Variants in PAM observed in about 807,000 individuals in gnomAD.
PAM encodes the protein peptidyl-glycine alpha-amidating monooxygenase.
Under a neutral mutation model 122.1 loss-of-function variants are expected in PAM, and 72 were observed. The ratio of observed to expected loss-of-function variants is 0.59; its 90% CI spans 0.49 to 0.72. The LOEUF (loss-of-function observed/expected upper bound fraction) is 0.72, where lower values mean the gene tolerates loss of function less well. Ranked by LOEUF, PAM falls within the 30% of genes least tolerant of loss-of-function variation. PAM has a pLI of 0.00. For missense variants in PAM, 1,106 were observed against 1,183.7 expected (o/e 0.93, Z 0.96); for synonymous variants, 389 against 404.4 (o/e 0.96, Z 0.46).
intron 4 of PAM, among the ~76,000 whole-genome samples, chr5:102,902,692 A>T (rs1175102513): frequency 1.3e-5 from 2 of 151,468 alleles, no homozygotes; most frequent in African/African-American, 4.8e-5. Context: ...AGAAAATAAT[A>T]TTTACTCGCA....
At chr5:102,990,020 A>C (rs977727896) in intron 15 of PAM, 1 of 272,652 alleles carries the variant, frequency 3.7e-6, no homozygotes, top group East Asian at 6.2e-5. Flanking sequence ...GACTTGGGTT[A>C]GCTGGCTTTA....
intron 1 of PAM, among the ~76,000 whole-genome samples, chr5:102,804,911 G>T (rs469250): frequency 1.3e-5 from 2 of 151,948 alleles, no homozygotes; most frequent in Non-Finnish European, 2.9e-5. Context: ...GTTTAAGAAA[G>T]AAGTTAGTTT....
intron 24 of PAM, among the ~76,000 whole-genome samples, chr5:103,027,708 G>A (rs1225680101): frequency 6.6e-6 from 1 of 152,146 alleles, no homozygotes; most frequent in East Asian, 1.9e-4. Flanking sequence ...CGTACTGTCA[G>A]TAGAAAGAGT....
chr5:102,901,216 T>C, intron 3 of PAM, 140 bp from the exon 4 acceptor site: 1 of 568,112 alleles, frequency 1.8e-6, no homozygotes, highest in South Asian at 2.2e-5. Context: ...GCCTTTCCAT[T>C]AACCTGCCAC....
Position 102,922,680 on chromosome 5 carries a change from G to C in PAM, c.357-2277G>C, listed in dbSNP as rs111983689. 5.1e-3 allele frequency among the ~76,000 whole-genome samples: 774 copies of C among 152,228 alleles called. 6 individuals carry two copies. The highest frequency in any genetic ancestry group is 0.018 in the African/African-American group (741 of 41,538). ...CTAGTCATCCATTGAAAATCAACTTGCATATCAGAGGAAACAGTTATCTTG... is the reference window on the plus strand; with the variant it reads ...CTAGTCATCCATTGAAAATCAACTTCCATATCAGAGGAAACAGTTATCTTG... On this transcript the variant is annotated intron_variant, in intron 5 of 25. Coordinates refer to ENST00000438793, the MANE Select transcript of PAM (RefSeq NM_001177306.2).
chr5:102,980,740 A>G (rs932077283), intron 15 of PAM, among the ~76,000 whole-genome samples: 1 of 152,214 alleles, frequency 6.6e-6, no homozygotes, highest in African/African-American at 2.4e-5. Context: ...TCACAGAAAA[A>G]AACCATGAAG....
chr5:102,910,098 G>C (rs950705591), intron 4 of PAM, among the ~76,000 whole-genome samples: 6 of 151,844 alleles, frequency 4.0e-5, no homozygotes, highest in Non-Finnish European at 8.8e-5. Context: ...AAGTCTGGCA[G>C]AAGAATCAAA....
chr5:102,929,869 CTT>C (rs55739271), intron 7 of PAM, among the ~76,000 whole-genome samples: 1 of 147,056 alleles, frequency 6.8e-6, no homozygotes, highest in African/African-American at 2.5e-5. Flanking sequence ...TTTTGCGATT[CTT>C]TTTTTTTTTT....
Position 102,933,011 on chromosome 5 carries a change from A to C in PAM, c.526+6343A>C, listed in dbSNP as rs113915877. On this transcript the variant is annotated intron_variant, in intron 7 of 25. Transcript: ENST00000438793. ...GCACTACATGGAGGAAAAGATGAGTAAGAACAAAAGTCTGCCCTCATAGAG... is the reference window on the plus strand; with the variant it reads ...GCACTACATGGAGGAAAAGATGAGTCAGAACAAAAGTCTGCCCTCATAGAG... Among the ~76,000 whole-genome samples, 665 of 152,328 alleles carry C rather than the reference A, an allele frequency of 4.4e-3. 4 individuals are homozygous for C. Among genetic ancestry groups the C allele is most frequent in the African/African-American group, 0.015 (641 of 41,568 alleles).
At position 102,814,985 on chromosome 5, in the gene PAM, A is replaced by G. The variant is rs533017989; in HGVS notation, c.-373-50838A>G. Among the ~76,000 whole-genome samples the G allele has an allele frequency of 3.2e-4, 48 of 152,084 alleles. 1 individual carries two copies. The highest frequency in any genetic ancestry group is 1.1e-3 in the African/African-American group (45 of 41,508). ...CACCCCCCATACACACAGTTACTTTACAATGAGCTGTTCTAAACCTAGTCC... is the reference window on the plus strand; with the variant it reads ...CACCCCCCATACACACAGTTACTTTGCAATGAGCTGTTCTAAACCTAGTCC... On this transcript the variant is annotated intron_variant, in intron 1 of 25. Coordinates refer to ENST00000438793, the MANE Select transcript of PAM (RefSeq NM_001177306.2).
At chr5:102,809,283 G>A (rs540420914) in intron 1 of PAM, among the ~76,000 whole-genome samples, 54 of 151,310 alleles carry the variant, frequency 3.6e-4, no homozygotes, top group Non-Finnish European at 5.7e-4. Flanking sequence ...TTCAAGAGGC[G>A]GAGGTGAGAG....
At chr5:102,986,004 T>C (rs1232635516) in intron 15 of PAM, among the ~76,000 whole-genome samples, 2 of 152,204 alleles carry the variant, frequency 1.3e-5, no homozygotes, top group African/African-American at 2.4e-5. Context: ...TATCAATAGA[T>C]GCAGAAAAAG....
chr5:102,988,131 A>G (rs569920560), intron 15 of PAM, among the ~76,000 whole-genome samples: 1 of 152,290 alleles, frequency 6.6e-6, no homozygotes, highest in South Asian at 2.1e-4. Context: ...TCCACCTGAC[A>G]TACACACGTA....
rs115044305 is a variant in PAM, at chr5:103,002,054, C to A, written c.1614-979C>A. ...CACACACATACACACACACCCCCCT[C>A]AACTATGTACTGATCCAATCCTTTT... On this transcript the variant is annotated intron_variant, in intron 16 of 25. Coordinates refer to ENST00000438793, the MANE Select transcript of PAM (RefSeq NM_001177306.2). Among the ~76,000 whole-genome samples, 1,403 of 151,800 alleles carry A rather than the reference C, an allele frequency of 9.2e-3. 18 individuals are homozygous for A. Among genetic ancestry groups the A allele is most frequent in the African/African-American group, 0.033 (1,359 of 41,470 alleles).
intron 3 of PAM, among the ~76,000 whole-genome samples, chr5:102,879,900 C>G (rs1790422885): frequency 6.6e-6 from 1 of 152,140 alleles, no homozygotes; most frequent in Non-Finnish European, 1.5e-5. Context: ...TAGATTATAT[C>G]ATCTAGGTTT....
chr5:102,974,684 A>G (rs1767023453), intron 15 of PAM: 1 of 324,336 alleles, frequency 3.1e-6, no homozygotes, highest in East Asian at 4.9e-5. Context: ...ACAAGGACCA[A>G]AAAATATTTG....
chr5:102,826,491 C>G (rs533019916), intron 1 of PAM, among the ~76,000 whole-genome samples: 1 of 152,072 alleles, frequency 6.6e-6, no homozygotes, highest in African/African-American at 2.4e-5. Context: ...TGTAGACATA[C>G]GGTAGATTTT....
intron 1 of PAM, among the ~76,000 whole-genome samples, chr5:102,789,400 C>A (rs1377493334): frequency 6.6e-6 from 1 of 152,046 alleles, no homozygotes; most frequent in Non-Finnish European, 1.5e-5. Flanking sequence ...TGGTTGTCAG[C>A]AGATGAATGG....
At chr5:102,901,551 G>A in intron 4 of PAM, 138 bp downstream of exon 4, 1 of 625,376 alleles carries the variant, frequency 1.6e-6, no homozygotes, top group Non-Finnish European at 3.0e-6. Flanking sequence ...CATGCCTAAT[G>A]CAGAAACAAA....
Sources: gnomAD v4.1 joint callset for allele counts (sites outside exome capture counted in the v4.1 genomes callset) on GRCh38, gnomAD v4.1.1 for gene constraint, MANE v1.5 for transcripts, NCBI Gene and HGNC (gene_info 2026-07-23, HGNC 2026-07-21) for gene names.